ZFPM2: variants seen among roughly 807,000 people sequenced by gnomAD.
ZFPM2 encodes the protein zinc finger protein, FOG family member 2.
ZFPM2 carries 20 observed loss-of-function variants against 98.6 expected under a neutral mutation model. The observed-to-expected ratio is 0.20, with a 90% CI of 0.14 to 0.29. The LOEUF (loss-of-function observed/expected upper bound fraction) is 0.29, where lower values mean the gene tolerates loss of function less well. Ranked by LOEUF, ZFPM2 falls within the 10% of genes least tolerant of loss-of-function variation. The probability of loss-of-function intolerance (pLI) is 1.00; values close to 1 mark genes in which losing one functional copy is unlikely to be tolerated. For missense variants in ZFPM2, 1,310 were observed against 1,388.6 expected (o/e 0.94, Z 0.90); for synonymous variants, 518 against 502.7 (o/e 1.03, Z -0.41).
chr8:105,755,691 T>A (rs561914256), intron 5 of ZFPM2, among the ~76,000 whole-genome samples: 1 of 152,232 alleles, frequency 6.6e-6, no homozygotes, highest in South Asian at 2.1e-4. Flanking sequence ...ATTGCCAGAA[T>A]CCACTTGTCT....
chr8:105,552,696 T>C (rs1397219907), intron 3 of ZFPM2, among the ~76,000 whole-genome samples: 1 of 152,030 alleles, frequency 6.6e-6, no homozygotes, highest in Admixed American at 6.6e-5. Flanking sequence ...AAGGGCAGAA[T>C]ATGGCAATTT....
chr8:105,480,220 A>G (rs993454237), intron 3 of ZFPM2, among the ~76,000 whole-genome samples: 2 of 152,204 alleles, frequency 1.3e-5, no homozygotes, highest in African/African-American at 4.8e-5. Flanking sequence ...TCTTATGCCC[A>G]GGTTTCTGAA....
intron 2 of ZFPM2, among the ~76,000 whole-genome samples, chr8:105,430,313 C>G (rs571606696): frequency 1.3e-5 from 2 of 152,232 alleles, no homozygotes; most frequent in Non-Finnish European, 2.9e-5. Context: ...CTTTTAGTAC[C>G]TGTAAGTGTT....
chr8:105,711,413 A>G (rs1029653359), intron 5 of ZFPM2, among the ~76,000 whole-genome samples: 1 of 152,090 alleles, frequency 6.6e-6, no homozygotes, highest in Non-Finnish European at 1.5e-5. Context: ...CTGGATATAT[A>G]AGCTCTCCAC....
intron 3 of ZFPM2, among the ~76,000 whole-genome samples, chr8:105,467,723 T>C (rs1812820089): frequency 6.6e-6 from 1 of 151,920 alleles, no homozygotes; most frequent in South Asian, 2.1e-4. Flanking sequence ...TAAAAAGTGA[T>C]TAGATACACA....
At chr8:105,397,507 A>G (rs1811246612) in intron 1 of ZFPM2, among the ~76,000 whole-genome samples, 2 of 152,284 alleles carry the variant, frequency 1.3e-5, no homozygotes, top group Admixed American at 6.5e-5. Context: ...ATGCTATAGC[A>G]TAAGATGATG....
intron 3 of ZFPM2, among the ~76,000 whole-genome samples, chr8:105,549,518 T>TCCTTCCTTC (rs1814793601): frequency 4.1e-5 from 2 of 48,472 alleles, no homozygotes; most frequent in African/African-American, 2.1e-4. Context: ...CTCCCTCCCA[T>TCCTTCCTTC]CTTCCTTCCT....
chr8:105,378,034 T>A (rs1486510299), intron 1 of ZFPM2, among the ~76,000 whole-genome samples: 3 of 152,180 alleles, frequency 2.0e-5, no homozygotes, highest in Non-Finnish European at 4.4e-5. Flanking sequence ...AGAAGAGGAT[T>A]CAAATTATTG....
At chr8:105,426,461 C>T (rs1563653191) in intron 2 of ZFPM2, among the ~76,000 whole-genome samples, 1 of 152,078 alleles carries the variant, frequency 6.6e-6, no homozygotes, top group Non-Finnish European at 1.5e-5. Flanking sequence ...TTGGCAGGAA[C>T]CTCCCTTCCC....
At chr8:105,454,365 A>G (rs1422727105) in intron 3 of ZFPM2, among the ~76,000 whole-genome samples, 4 of 152,226 alleles carry the variant, frequency 2.6e-5, no homozygotes, top group African/African-American at 7.2e-5. Flanking sequence ...TATGGTGGGC[A>G]TCAGTACTGC....
At chr8:105,690,622 C>T (rs1186359198) in intron 5 of ZFPM2, among the ~76,000 whole-genome samples, 4 of 152,098 alleles carry the variant, frequency 2.6e-5, no homozygotes, top group Non-Finnish European at 4.4e-5. Context: ...TCACCTTGGA[C>T]ACCTGTGGGA....
At chr8:105,718,649 ATT>A in intron 5 of ZFPM2, among the ~76,000 whole-genome samples, 1 of 151,006 alleles carries the variant, frequency 6.6e-6, no homozygotes, top group South Asian at 2.1e-4. Context: ...CACAATACGC[ATT>A]TTTTTTTCTT....
At chr8:105,576,382 A>ATT (rs1586474065) in intron 4 of ZFPM2, among the ~76,000 whole-genome samples, 1 of 152,156 alleles carries the variant, frequency 6.6e-6, no homozygotes, top group African/African-American at 2.4e-5. Flanking sequence ...TGATAGGGAA[A>ATT]TACCTCACAT....
At chr8:105,694,281 C>T (rs1320163344) in intron 5 of ZFPM2, among the ~76,000 whole-genome samples, 2 of 152,062 alleles carry the variant, frequency 1.3e-5, no homozygotes, top group African/African-American at 4.8e-5. Flanking sequence ...CCACCGCGCC[C>T]AGCCTCTCCA....
At chr8:105,584,046 T>C (rs1400488790) in intron 4 of ZFPM2, among the ~76,000 whole-genome samples, 1 of 152,212 alleles carries the variant, frequency 6.6e-6, no homozygotes, top group African/African-American at 2.4e-5. Context: ...CGTATTTTTC[T>C]TTGGTTTTTT....
intron 3 of ZFPM2, among the ~76,000 whole-genome samples, chr8:105,556,811 C>T (rs1273508466): frequency 6.7e-6 from 1 of 150,328 alleles, no homozygotes; most frequent in African/African-American, 2.4e-5. Flanking sequence ...CAACCTCTGT[C>T]TCCCATATTC....
At chr8:105,707,745 GAATTA>G (rs1811296769) in intron 5 of ZFPM2, among the ~76,000 whole-genome samples, 2 of 152,060 alleles carry the variant, frequency 1.3e-5, no homozygotes, top group African/African-American at 2.4e-5. Context: ...AGGAAACAAA[GAATTA>G]AATTATATTA....
intron 5 of ZFPM2, among the ~76,000 whole-genome samples, chr8:105,694,837 A>G (rs1170559835): frequency 6.6e-6 from 1 of 152,172 alleles, no homozygotes; most frequent in East Asian, 1.9e-4. Flanking sequence ...ATGTTTTCCT[A>G]TTTCTTTACA....
At chr8:105,796,152 G>C (rs1220332944) in intron 6 of ZFPM2, among the ~76,000 whole-genome samples, 1 of 152,130 alleles carries the variant, frequency 6.6e-6, no homozygotes, top group Non-Finnish European at 1.5e-5. Flanking sequence ...TATGGTAAAT[G>C]TACTTATTTT....
Sources: gnomAD v4.1 joint callset for allele counts (sites outside exome capture counted in the v4.1 genomes callset) on GRCh38, gnomAD v4.1.1 for gene constraint, MANE v1.5 for transcripts, NCBI Gene and HGNC (gene_info 2026-07-23, HGNC 2026-07-21) for gene names.